The following KCNK1 variants were observed in gnomAD, a reference collection of about 807,000 sequenced individuals.
The protein encoded by KCNK1 is potassium two pore domain channel subfamily K member 1.
In KCNK1, 10 loss-of-function variants were observed where a neutral mutation model predicts 22.2. That is an observed-to-expected ratio of 0.45 (90% CI 0.28 to 0.76). The LOEUF (loss-of-function observed/expected upper bound fraction) is 0.76, where lower values mean the gene tolerates loss of function less well. Ranked by LOEUF, KCNK1 falls within the 30% of genes least tolerant of loss-of-function variation. The pLI is 0.14. For synonymous variants in KCNK1, 200 were observed against 186.4 expected (o/e 1.07, Z -0.60); for missense variants, 378 against 421.0 (o/e 0.90, Z 0.89).
intron 1 of KCNK1, among the ~76,000 whole-genome samples, chr1:233,617,765 C>T (rs920505567): frequency 6.6e-6 from 1 of 152,092 alleles, no homozygotes; most frequent in Admixed American, 6.5e-5. Flanking sequence ...AGAGTGAGAC[C>T]TCATCTCTAC....
chr1:233,666,075 A>G (rs1033698939), intron 1 of KCNK1, among the ~76,000 whole-genome samples: 1 of 152,060 alleles, frequency 6.6e-6, no homozygotes, highest in African/African-American at 2.4e-5. Flanking sequence ...TACTGGACTC[A>G]TATTATCTTG....
intron 1 of KCNK1, among the ~76,000 whole-genome samples, chr1:233,621,824 G>A (rs1657591492): frequency 6.6e-6 from 1 of 152,122 alleles, no homozygotes; most frequent in African/African-American, 2.4e-5. Context: ...AAGAAATGAT[G>A]TCTTTCCTTT....
intron 1 of KCNK1, among the ~76,000 whole-genome samples, chr1:233,614,823 C>T (rs549694501): frequency 6.6e-6 from 1 of 152,286 alleles, no homozygotes; most frequent in Non-Finnish European, 1.5e-5. Flanking sequence ...GGGAAGTGGT[C>T]CCTAACTTCG....
At chr1:233,662,677 T>TACAACCA (rs1658418779) in intron 1 of KCNK1, among the ~76,000 whole-genome samples, 2 of 152,154 alleles carry the variant, frequency 1.3e-5, no homozygotes, top group African/African-American at 2.4e-5. Context: ...CAACCACCCA[T>TACAACCA]TATACGTATA....
At chr1:233,623,366 A>G (rs552769346) in intron 1 of KCNK1, among the ~76,000 whole-genome samples, 4 of 152,326 alleles carry the variant, frequency 2.6e-5, no homozygotes, top group Non-Finnish European at 4.4e-5. Context: ...CTGGTTGTCT[A>G]TACCACTGTA....
chr1:233,651,819 G>A (rs1311587350), intron 1 of KCNK1, among the ~76,000 whole-genome samples: 2 of 152,184 alleles, frequency 1.3e-5, no homozygotes, highest in Admixed American at 6.5e-5. Flanking sequence ...GTGTGAGAAC[G>A]CCAGGACACG....
intron 1 of KCNK1, among the ~76,000 whole-genome samples, chr1:233,655,265 C>G: frequency 6.6e-6 from 1 of 152,026 alleles, no homozygotes; most frequent in Admixed American, 6.6e-5. Flanking sequence ...TATGCCTGTC[C>G]CACCATTGTA....
chr1:233,615,386 A>C (rs1016676321), intron 1 of KCNK1, among the ~76,000 whole-genome samples: 1 of 152,178 alleles, frequency 6.6e-6, no homozygotes, highest in Non-Finnish European at 1.5e-5. Context: ...GGCCGGGCGC[A>C]TGCCCCAGGG....
At chr1:233,644,104 C>T (rs902450460) in intron 1 of KCNK1, among the ~76,000 whole-genome samples, 6 of 152,130 alleles carry the variant, frequency 3.9e-5, no homozygotes, top group East Asian at 3.9e-4. Flanking sequence ...AGTCCAAGAT[C>T]GAGGTACCAA....
chr1:233,636,738 A>G (rs1197191686), intron 1 of KCNK1, among the ~76,000 whole-genome samples: 1 of 131,922 alleles, frequency 7.6e-6, no homozygotes, highest in Non-Finnish European at 1.6e-5. Flanking sequence ...TAGTGATGTC[A>G]TAGGAAAAAC....
At chr1:233,639,718 G>A (rs954081246) in intron 1 of KCNK1, among the ~76,000 whole-genome samples, 1 of 152,218 alleles carries the variant, frequency 6.6e-6, no homozygotes, top group Admixed American at 6.5e-5. Flanking sequence ...ACAACTGTGA[G>A]GCAATTGGTC....
At position 233,668,946 on chromosome 1, in the gene KCNK1, T is replaced by TG. The variant is rs1571907095; in HGVS notation, c.751+1956_751+1957insG. ...ATATACACATTTCCTCCTCTGATAT[T>TG]CTTCCAAGAAATGAGATTGCTGGTG... is the stretch of plus-strand genomic sequence containing the variant. On this transcript the variant is annotated intron_variant, in intron 2 of 2. Coordinates refer to ENST00000366621, the MANE Select transcript of KCNK1 (RefSeq NM_002245.4). Among the ~76,000 whole-genome samples the TG allele has an allele frequency of 2.0e-5, 3 of 152,298 alleles. No individual in the cohort carries two copies. In the East Asian group the frequency reaches 5.8e-4, roughly 29 times the overall value.
chr1:233,645,767 A>C (rs1053285610), intron 1 of KCNK1, among the ~76,000 whole-genome samples: 12 of 152,120 alleles, frequency 7.9e-5, no homozygotes, highest in African/African-American at 2.9e-4. Flanking sequence ...ATCATGGGGG[A>C]AATAACAGAA....
At chr1:233,643,026 C>T (rs1658029029) in intron 1 of KCNK1, among the ~76,000 whole-genome samples, 1 of 151,482 alleles carries the variant, frequency 6.6e-6, no homozygotes, top group South Asian at 2.1e-4. Flanking sequence ...AGGTGATCCA[C>T]CTGCCTTGGC....
chr1:233,633,579 G>T (rs370834194), intron 1 of KCNK1, among the ~76,000 whole-genome samples: 22 of 152,250 alleles, frequency 1.4e-4, no homozygotes, highest in African/African-American at 5.3e-4. Context: ...TAAAGTCATG[G>T]TGCTAATTTG....
intron 1 of KCNK1, among the ~76,000 whole-genome samples, chr1:233,634,537 G>A (rs1329625978): frequency 6.6e-6 from 1 of 152,108 alleles, no homozygotes; most frequent in Admixed American, 6.6e-5. Context: ...GGCAGTACAG[G>A]TACTCAAACC....
chr1:233,616,958 T>C (rs1350286821), intron 1 of KCNK1, among the ~76,000 whole-genome samples: 1 of 152,224 alleles, frequency 6.6e-6, no homozygotes, highest in African/African-American at 2.4e-5. Flanking sequence ...GCTTCATTAC[T>C]AGGAAAATAT....
chr1:233,654,960 G>A (rs1016380761), intron 1 of KCNK1, among the ~76,000 whole-genome samples: 1 of 152,264 alleles, frequency 6.6e-6, no homozygotes, highest in East Asian at 1.9e-4. Flanking sequence ...GCCCTTACTA[G>A]AGCAACATCC....
chr1:233,633,882 T>A (rs1383070002), intron 1 of KCNK1, among the ~76,000 whole-genome samples: 2 of 152,130 alleles, frequency 1.3e-5, no homozygotes, highest in African/African-American at 4.8e-5. Context: ...ATTAACATAG[T>A]CACACATCCG....
Sources: allele counts gnomAD v4.1 joint callset (sites outside exome capture counted in the v4.1 genomes callset), GRCh38; gene constraint gnomAD v4.1.1; transcripts MANE v1.5; gene names NCBI Gene and HGNC (gene_info 2026-07-23, HGNC 2026-07-21).